PDZD2: variants seen among roughly 807,000 people sequenced by gnomAD.
PDZD2 encodes the protein PDZ domain-containing protein 2.
Under a neutral mutation model 220.7 loss-of-function variants are expected in PDZD2, and 90 were observed. That is an observed-to-expected ratio of 0.41 (90% CI 0.34 to 0.49). The LOEUF is 0.49. PDZD2 is among the 20% of genes least tolerant of loss of function. The probability of loss-of-function intolerance (pLI) is 0.28; values close to 1 mark genes in which losing one functional copy is unlikely to be tolerated. For missense variants in PDZD2, 3,174 were observed against 3,608.5 expected (o/e 0.88, Z 3.08); for synonymous variants, 1,375 against 1,450.5 (o/e 0.95, Z 1.18).
chr5:32,107,430 G>A (rs1428722512), intron 24 of PDZD2: 1 of 152,332 alleles, frequency 6.6e-6, no homozygotes, highest in Non-Finnish European at 1.5e-5. Flanking sequence ...GGTGGTGTAT[G>A]CCTGTGGTAG....
chr5:32,090,942 C>CGAGGATTA lies in PDZD2; in HGVS notation c.7495_7502dup (p.Tyr2501Ter). The CGAGGATTA allele has an allele frequency of 6.2e-7, 1 of 1,613,940 alleles. No homozygotes were observed. On this transcript the variant is annotated frameshift_variant, in exon 20 of 25. Transcript: ENST00000438447. LOFTEE classifies it high-confidence loss of function. The surrounding 1 kb of genome is among the most constrained non-coding windows in gnomAD (Gnocchi z 4.3). Reference sequence around the variant, plus strand: ...TGCCTGACCTTGACAAGCTCTGCAGCGAGGATTACTCAGCAGGGCCGAGCG... The same window carrying CGAGGATTA: ...TGCCTGACCTTGACAAGCTCTGCAGCGAGGATTAGAGGATTACTCAGCAGGGCCGAGCG...
chr5:32,022,193 G>GTTTTT (rs57252714), intron 6 of PDZD2, among the ~76,000 whole-genome samples: 1 of 141,316 alleles, frequency 7.1e-6, no homozygotes, highest in Non-Finnish European at 1.5e-5. Context: ...TTGTTTTTTT[G>GTTTTT]TTTTTTGTTT....
At chr5:31,885,422 GA>G (rs1201443758) in intron 2 of PDZD2, among the ~76,000 whole-genome samples, 1 of 152,106 alleles carries the variant, frequency 6.6e-6, no homozygotes, top group African/African-American at 2.4e-5. Flanking sequence ...CTTTGACCCA[GA>G]AATTGTACTT....
chr5:32,081,909 A>G (rs1009287801), intron 19 of PDZD2, among the ~76,000 whole-genome samples: 2 of 151,542 alleles, frequency 1.3e-5, no homozygotes, highest in African/African-American at 4.9e-5. Flanking sequence ...TTTTTAGTAG[A>G]GATGGGGTTT....
At chr5:32,006,771 C>T (rs1752846271) in intron 5 of PDZD2, among the ~76,000 whole-genome samples, 1 of 149,832 alleles carries the variant, frequency 6.7e-6, no homozygotes, top group Non-Finnish European at 1.5e-5. Context: ...CTCACTGCGA[C>T]CTCCGCCTCC....
At chr5:31,867,887 G>A (rs1738374432) in intron 2 of PDZD2, among the ~76,000 whole-genome samples, 1 of 151,896 alleles carries the variant, frequency 6.6e-6, no homozygotes, top group South Asian at 2.1e-4. Flanking sequence ...GCAGGTGTGG[G>A]GTGGGGCGGG....
intron 1 of PDZD2, among the ~76,000 whole-genome samples, chr5:31,675,836 G>T (rs1304703390): frequency 6.6e-6 from 1 of 152,006 alleles, no homozygotes; most frequent in Non-Finnish European, 1.5e-5. Context: ...AGCTGGGATG[G>T]GACTATGGGC....
chr5:31,847,750 C>A, intron 2 of PDZD2: 1 of 591,078 alleles, frequency 1.7e-6, no homozygotes, highest in Non-Finnish European at 3.3e-6. Context: ...TTTGGAGGCC[C>A]TGAAGGAAGC....
intron 1 of PDZD2, among the ~76,000 whole-genome samples, chr5:31,678,424 C>A (rs569936724): frequency 3.9e-5 from 6 of 152,240 alleles, no homozygotes; most frequent in Admixed American, 1.3e-4. Context: ...TGTGGTGCTA[C>A]TTCTGGAGCC....
At chr5:32,082,700 T>C (rs907451534) in intron 19 of PDZD2, among the ~76,000 whole-genome samples, 5 of 152,204 alleles carry the variant, frequency 3.3e-5, no homozygotes, top group Non-Finnish European at 7.3e-5. Context: ...TGATACACAG[T>C]AAGATACGTG....
intron 1 of PDZD2, among the ~76,000 whole-genome samples, chr5:31,791,997 T>TTGGTGTAACCCTACCCAACACCAAAGG (rs1491533160): frequency 2.6e-5 from 4 of 152,334 alleles, no homozygotes; most frequent in Admixed American, 1.3e-4. Context: ...CCTAAAGGAA[T>TTGGTGTAACCCTACCCAACACCAAAGG]GTTGGTGTAA....
chr5:32,104,651 C>T (rs1156586053), intron 24 of PDZD2, among the ~76,000 whole-genome samples: 3 of 123,408 alleles, frequency 2.4e-5, no homozygotes, highest in Non-Finnish European at 3.2e-5. Flanking sequence ...ACCCAGGAGG[C>T]GGAGGTTGCA....
chr5:31,651,994 A>ATTTTTTTTTTTTT (rs10676854), intron 1 of PDZD2, among the ~76,000 whole-genome samples: 1 of 130,326 alleles, frequency 7.7e-6, no homozygotes, highest in Non-Finnish European at 1.6e-5. Context: ...TAATTTTTGT[A>ATTTTTTTTTTTTT]TTTTTTTTTT....
rs138400638 is a variant in PDZD2, at chr5:32,089,156, C to A, written c.5708C>A (p.Ala1903Glu). Residue 1903 changes from alanine (A) to glutamate (E), a missense_variant, in exon 20 of 25, where the codon GCG becomes GAG. Transcript: ENST00000438447. ...KAKVNSEAPA[A>E]NAVKAGGTDH... The stretch of plus-strand genomic sequence containing the variant: ...AAAGTCAACTCTGAGGCCCCTGCTG[C>A]GAATGCTGTGAAGGCTGGGGGGACG... 6.2e-7 allele frequency: 1 copy of A among 1,612,380 alleles called. No homozygotes were observed. The highest frequency in any genetic ancestry group is 1.1e-5 in the South Asian group (1 of 91,078).
rs183902259 is a variant in PDZD2, at chr5:32,048,731, T to C, written c.1665+47T>C. On this transcript the variant is annotated intron_variant, in intron 8 of 24. Transcript: ENST00000438447. The stretch of plus-strand genomic sequence containing the variant: ...TTTTCAAAGACCATAAGGGCTTACA[T>C]GTTAAGAAGAACTGCCCATCCATAC... The C allele has an allele frequency of 2.5e-6, 4 of 1,598,194 alleles. No individual in the cohort carries two copies. In the African/African-American group the frequency reaches 4.0e-5, roughly 16 times the overall value.
At chr5:31,645,389 T>C (rs1337041191) in intron 1 of PDZD2, among the ~76,000 whole-genome samples, 1 of 147,474 alleles carries the variant, frequency 6.8e-6, no homozygotes, top group South Asian at 2.1e-4. Flanking sequence ...CTGCCTGGAG[T>C]GCAGTGGCGC....
intron 2 of PDZD2, among the ~76,000 whole-genome samples, chr5:31,981,114 C>T (rs1011624499): frequency 1.3e-5 from 2 of 152,094 alleles, no homozygotes; most frequent in Non-Finnish European, 2.9e-5. Context: ...CCTCTTTGTC[C>T]CTCTGTATTT....
intron 2 of PDZD2, among the ~76,000 whole-genome samples, chr5:31,940,628 C>G (rs1276017597): frequency 3.3e-5 from 5 of 152,204 alleles, no homozygotes; most frequent in African/African-American, 4.8e-5. Flanking sequence ...TGGGGGTTGT[C>G]AGGTAGCCTA....
chr5:31,901,841 C>T (rs763010072), intron 2 of PDZD2, among the ~76,000 whole-genome samples: 1 of 152,204 alleles, frequency 6.6e-6, no homozygotes, highest in Non-Finnish European at 1.5e-5. Flanking sequence ...CTTTTCTGGA[C>T]ACTTCATGTA....
Sources: gnomAD v4.1 joint callset for allele counts (sites outside exome capture counted in the v4.1 genomes callset) on GRCh38, gnomAD v4.1.1 for gene constraint, Gnocchi (gnomAD v3.1) non-coding constraint, MANE v1.5 for transcripts, NCBI Gene and HGNC (gene_info 2026-07-23, HGNC 2026-07-21) for gene names.